The following PPP6C variants were observed in gnomAD, a reference collection of about 807,000 sequenced individuals.
The protein encoded by PPP6C is serine/threonine-protein phosphatase 6 catalytic subunit.
A neutral mutation model predicts 39.8 loss-of-function variants in PPP6C; 11 were observed. That is an observed-to-expected ratio of 0.28 (90% CI 0.17 to 0.46). PPP6C has a LOEUF of 0.46. PPP6C is among the 20% of genes least tolerant of loss of function. The probability of loss-of-function intolerance (pLI) is 1.00; values close to 1 mark genes in which losing one functional copy is unlikely to be tolerated. For missense variants in PPP6C, 211 were observed against 373.9 expected, an observed-to-expected ratio of 0.56 and a Z score of 3.59; for synonymous variants, 129 against 130.3, an observed-to-expected ratio of 0.99 and a Z score of 0.07.
In PPP6C at chr9:125,189,757, G is replaced by A. The variant is rs1418244311; in HGVS notation, c.-39C>T. The A allele has an allele frequency of 3.9e-6, 6 of 1,551,004 alleles. No homozygotes were observed. The highest frequency in any genetic ancestry group is 1.4e-5 in the African/African-American group (1 of 70,056). On this transcript the variant is annotated 5_prime_UTR_variant, in exon 1 of 7. Transcript: ENST00000373547. ...AGCCGCGGCAACAGCGGCGGCGGCG[G>A]CTGTAGCAGCGGCGGCGGCAGCGGC...
At chr9:125,163,632 T>A (rs1179938160) in intron 2 of PPP6C, among the ~76,000 whole-genome samples, 1 of 152,054 alleles carries the variant, frequency 6.6e-6, no homozygotes, top group Middle Eastern at 3.2e-3. Flanking sequence ...GGTTTCACCA[T>A]GTTGGTCAGG....
intron 1 of PPP6C, among the ~76,000 whole-genome samples, chr9:125,179,902 C>T (rs529294675): frequency 1.3e-5 from 2 of 152,084 alleles, no homozygotes; most frequent in South Asian, 2.1e-4. Flanking sequence ...GTGATCCACC[C>T]GCCTCAGCCT....
chr9:125,159,228 T>A (rs1217378779), intron 3 of PPP6C, among the ~76,000 whole-genome samples: 2 of 148,650 alleles, frequency 1.3e-5, no homozygotes, highest in African/African-American at 5.0e-5. Context: ...TTTTTTTTTT[T>A]AGTAGAGACG....
At chr9:125,150,065 A>G (rs1174923028) in intron 6 of PPP6C, 144 bp from the exon 7 acceptor site, 4 of 1,178,402 alleles carry the variant, frequency 3.4e-6, no homozygotes, top group Non-Finnish European at 4.6e-6. Flanking sequence ...CAACAATTTA[A>G]TAAGTTTAGG....
chr9:125,170,996 T>A (rs987593575), intron 2 of PPP6C, 89 bp downstream of exon 2: 3 of 794,068 alleles, frequency 3.8e-6, no homozygotes, highest in East Asian at 3.0e-5. Flanking sequence ...TTTGTTGATG[T>A]TGTTGTTGTT....
At chr9:125,156,748 T>TCGCTCG (rs1217733163) in intron 4 of PPP6C, among the ~76,000 whole-genome samples, 3 of 130,874 alleles carry the variant, frequency 2.3e-5, no homozygotes, top group African/African-American at 9.6e-5. Context: ...AAGCTCGCTC[T>TCGCTCG]CTCTCTCTCT....
In PPP6C at chr9:125,172,553, G is replaced by A. The variant is rs185861964; in HGVS notation, c.76-1373C>T. On this transcript the variant is annotated intron_variant, in intron 1 of 6. Transcript: ENST00000373547. ...TGACAAAATTAAAGAAATGGAGAAC[G>A]GATTAGTTGTTGTCAGGGGTCCAGC... Among the ~76,000 whole-genome samples, 218 of 152,218 alleles carry A rather than the reference G, an allele frequency of 1.4e-3. 1 individual carries two copies. Among genetic ancestry groups the A allele is most frequent in the South Asian group, 4.1e-3 (20 of 4,828 alleles).
chr9:125,167,684 C>G (rs969813517), intron 2 of PPP6C, among the ~76,000 whole-genome samples: 2 of 149,532 alleles, frequency 1.3e-5, no homozygotes, highest in African/African-American at 4.9e-5. Flanking sequence ...GCCTGGATAA[C>G]AAGAGAGAAA....
chr9:125,165,100 A>T (rs1828984006), intron 2 of PPP6C, among the ~76,000 whole-genome samples: 1 of 152,144 alleles, frequency 6.6e-6, no homozygotes, highest in Non-Finnish European at 1.5e-5. Flanking sequence ...GTAGTTCTCA[A>T]ACTTTTTGGT....
In PPP6C at chr9:125,173,226, C is replaced by T. The variant is rs561508596; in HGVS notation, c.76-2046G>A. On this transcript the variant is annotated intron_variant, in intron 1 of 6. Coordinates refer to ENST00000373547, the MANE Select transcript of PPP6C (RefSeq NM_002721.5). ...AGGAGTTCAGGACCAGCCTGGCCAA[C>T]GTAGTGAAACCCCGTCTCTATTAAA... Among the ~76,000 whole-genome samples the T allele has an allele frequency of 7.2e-5, 11 of 151,992 alleles. No individual in the cohort carries two copies. In the East Asian group the frequency reaches 2.1e-3, roughly 29 times the overall value.
intron 1 of PPP6C, 142 bp downstream of exon 1, chr9:125,189,502 C>T (rs1041761932): frequency 4.8e-6 from 7 of 1,459,096 alleles, no homozygotes; most frequent in African/African-American, 2.9e-5. Context: ...GGCGTGACGC[C>T]GGGTAGGACC....
intron 6 of PPP6C, chr9:125,151,327 T>C (rs1835936321): frequency 1.4e-6 from 2 of 1,445,756 alleles, no homozygotes; most frequent in South Asian, 2.3e-5. Flanking sequence ...CAATCTGCCA[T>C]GCAGCTGACA....
intron 1 of PPP6C, among the ~76,000 whole-genome samples, chr9:125,171,422 T>C (rs568236276): frequency 1.4e-5 from 2 of 146,126 alleles, no homozygotes; most frequent in East Asian, 4.0e-4. Context: ...TTACAAGAAC[T>C]GTAAAATGAT....
rs970212616 is a variant in PPP6C, at chr9:125,147,735, G to A, written c.*1938C>T. 2.6e-5 allele frequency: 4 copies of A among 152,062 alleles called. No homozygotes were observed. Among genetic ancestry groups the A allele is most frequent in the African/African-American group, 9.7e-5 (4 of 41,402 alleles). The allele number at this position is 152,062 out of a possible 1,614,324, so 9.4% of individuals were successfully genotyped here. On this transcript the variant is annotated 3_prime_UTR_variant, in exon 7 of 7. Coordinates refer to ENST00000373547, the MANE Select transcript of PPP6C (RefSeq NM_002721.5). ...AGCTAAGGAGTGTCAAACAGGGAGG[G>A]CTGGGAGTTACCGGTTCTATTAGTA...
intron 2 of PPP6C, among the ~76,000 whole-genome samples, chr9:125,161,152 T>C (rs1382739426): frequency 6.6e-6 from 1 of 152,222 alleles, no homozygotes; most frequent in Admixed American, 6.5e-5. Flanking sequence ...TCATTTTCTT[T>C]CATACATCTC....
At chr9:125,168,996 T>C (rs1180911981) in intron 2 of PPP6C, among the ~76,000 whole-genome samples, 2 of 151,940 alleles carry the variant, frequency 1.3e-5, no homozygotes, top group Admixed American at 6.6e-5. Flanking sequence ...CCTGACCTTC[T>C]GATCTGCCTG....
At chr9:125,188,705 A>C (rs1472179190) in intron 1 of PPP6C, among the ~76,000 whole-genome samples, 1 of 151,198 alleles carries the variant, frequency 6.6e-6, no homozygotes, top group Admixed American at 6.6e-5. Context: ...AATCGCTTGA[A>C]CCCGGGAAGT....
intron 1 of PPP6C, among the ~76,000 whole-genome samples, chr9:125,183,631 C>T (rs1829463805): frequency 6.6e-6 from 1 of 152,136 alleles, no homozygotes; most frequent in African/African-American, 2.4e-5. Flanking sequence ...TCCAGCCATA[C>T]CAAACCACTT....
intron 1 of PPP6C, among the ~76,000 whole-genome samples, chr9:125,172,372 G>A (rs1829189959): frequency 6.6e-6 from 1 of 151,854 alleles, no homozygotes; most frequent in African/African-American, 2.4e-5. Context: ...ACACCATCAT[G>A]CCCAGCTAAT....
Sources: allele counts gnomAD v4.1 joint callset (sites outside exome capture counted in the v4.1 genomes callset), GRCh38; gene constraint gnomAD v4.1.1; transcripts MANE v1.5; gene names NCBI Gene and HGNC (gene_info 2026-07-23, HGNC 2026-07-21).